The following ENOX1 variants were observed in gnomAD, a reference collection of about 807,000 sequenced individuals.
ENOX1 encodes the protein ecto-NOX disulfide-thiol exchanger 1.
Under a neutral mutation model 82.5 loss-of-function variants are expected in ENOX1, and 42 were observed. That is an observed-to-expected ratio of 0.51 (90% CI 0.40 to 0.66). The LOEUF is 0.66. ENOX1 is among the 30% of genes least tolerant of loss of function. The pLI is 0.00. For synonymous variants in ENOX1, 271 were observed against 282.2 expected, an observed-to-expected ratio of 0.96 and a Z score of 0.40; for missense variants, 608 against 811.6, an observed-to-expected ratio of 0.75 and a Z score of 3.05.
chr13:43,654,435 T>G (rs772883109), intron 2 of ENOX1, among the ~76,000 whole-genome samples: 7 of 152,222 alleles, frequency 4.6e-5, no homozygotes, highest in Non-Finnish European at 8.8e-5. Flanking sequence ...CATATTTATG[T>G]ATCTAATGTA....
chr13:43,648,666 C>T (rs192478930), intron 2 of ENOX1, among the ~76,000 whole-genome samples: 28 of 152,328 alleles, frequency 1.8e-4, no homozygotes, highest in Non-Finnish European at 2.5e-4. Flanking sequence ...GATATGACTT[C>T]TCACTCCAAG....
intron 5 of ENOX1, among the ~76,000 whole-genome samples, chr13:43,402,865 C>T (rs1004191496): frequency 6.6e-6 from 1 of 152,062 alleles, no homozygotes; most frequent in Non-Finnish European, 1.5e-5. Context: ...CTACTCTCTG[C>T]TGAATTAGAA....
intron 3 of ENOX1, among the ~76,000 whole-genome samples, chr13:43,477,041 T>G (rs2058312425): frequency 1.2e-5 from 1 of 80,742 alleles, no homozygotes; most frequent in South Asian, 6.7e-4. Flanking sequence ...AAGAGAGAGA[T>G]TCTAAAAAAA....
chr13:43,682,985 A>G (rs1405295021), intron 1 of ENOX1, among the ~76,000 whole-genome samples: 1 of 152,208 alleles, frequency 6.6e-6, no homozygotes, highest in Non-Finnish European at 1.5e-5. Context: ...TTTTAATATA[A>G]CAGAACAAAA....
intron 16 of ENOX1, among the ~76,000 whole-genome samples, chr13:43,216,289 G>A (rs1215617764): frequency 6.6e-6 from 1 of 152,178 alleles, no homozygotes; most frequent in Non-Finnish European, 1.5e-5. Context: ...CTTAACATTT[G>A]TAATTCTCAG....
At chr13:43,683,954 T>G (rs1404049819) in intron 1 of ENOX1, among the ~76,000 whole-genome samples, 1 of 152,094 alleles carries the variant, frequency 6.6e-6, no homozygotes, top group Non-Finnish European at 1.5e-5. Flanking sequence ...CTAATGAAGA[T>G]GTACATGTCT....
At chr13:43,458,817 G>C (rs531260163) in intron 3 of ENOX1, 2 of 152,068 alleles carry the variant, frequency 1.3e-5, no homozygotes, top group Non-Finnish European at 2.9e-5. Flanking sequence ...CCCCATTCTT[G>C]AAGCTTTGAA....
chr13:43,326,201 C>T (rs1396575898), intron 10 of ENOX1, among the ~76,000 whole-genome samples: 1 of 152,040 alleles, frequency 6.6e-6, no homozygotes, highest in Non-Finnish European at 1.5e-5. Context: ...GTATTTTCTC[C>T]CATTGCAGGG....
chr13:43,412,722 A>C (rs904236916), intron 4 of ENOX1, 123 bp downstream of exon 4: 10 of 1,078,482 alleles, frequency 9.3e-6, no homozygotes, highest in African/African-American at 1.6e-5. Flanking sequence ...CTAGTTCTAC[A>C]GACTGATTTC....
At chr13:43,318,797 A>G (rs143087654) in intron 11 of ENOX1, among the ~76,000 whole-genome samples, 63 of 152,382 alleles carry the variant, frequency 4.1e-4, no homozygotes, top group African/African-American at 1.3e-3. Context: ...CTAGATGCTC[A>G]ACACTGTAAG....
chr13:43,634,277 T>G (rs1270754287), intron 2 of ENOX1, among the ~76,000 whole-genome samples: 3 of 152,160 alleles, frequency 2.0e-5, no homozygotes, highest in Non-Finnish European at 2.9e-5. Context: ...TGTTGCATAT[T>G]TATTTACTCC....
intron 5 of ENOX1, among the ~76,000 whole-genome samples, chr13:43,361,939 G>T (rs984747080): frequency 6.8e-6 from 1 of 148,064 alleles, no homozygotes; most frequent in African/African-American, 2.5e-5. Context: ...ACTTTATAAT[G>T]ATGTATTCAG....
intron 11 of ENOX1, among the ~76,000 whole-genome samples, chr13:43,306,747 T>G (rs1416785186): frequency 6.6e-6 from 1 of 152,248 alleles, no homozygotes; most frequent in East Asian, 1.9e-4. Flanking sequence ...TTTTAACAAG[T>G]GGTCATTTCT....
rs538612182 is a variant in ENOX1 at position 43,323,805 on chromosome 13, T to A, written c.1144-1304A>T. Among the ~76,000 whole-genome samples, 69 of 152,380 alleles carry A rather than the reference T, an allele frequency of 4.5e-4. 2 individuals carry two copies. In the South Asian group the frequency reaches 0.014, roughly 31 times the overall value. ...ATGACTTGTGCCCATTTGATGGACA[T>A]GCATATATCACTCCATGTTATGGGT... On this transcript the variant is annotated intron_variant, in intron 10 of 16. Transcript: ENST00000690772.
In ENOX1 at chr13:43,375,460, C is replaced by T. The variant is rs535808334; in HGVS notation, c.209-14008G>A. ...TTGCTCATTCAACATGTATTAATTA[C>T]GTACAAGTTTGCTAGGCAAGACGCT... On this transcript the variant is annotated intron_variant, in intron 5 of 16. Coordinates refer to ENST00000690772, the MANE Select transcript of ENOX1 (RefSeq NM_001347969.2). Among the ~76,000 whole-genome samples, 186 of 152,290 alleles carry T rather than the reference C, an allele frequency of 1.2e-3. 2 individuals carry two copies. In the South Asian group the frequency reaches 0.013, roughly 11 times the overall value.
intron 3 of ENOX1, among the ~76,000 whole-genome samples, chr13:43,466,870 T>C (rs1459471274): frequency 6.6e-6 from 1 of 152,216 alleles, no homozygotes; most frequent in African/African-American, 2.4e-5. Context: ...TTCTGGACTT[T>C]TCATATAAAT....
chr13:43,738,821 A>G (rs1201761569), intron 1 of ENOX1, among the ~76,000 whole-genome samples: 1 of 152,164 alleles, frequency 6.6e-6, no homozygotes, highest in Non-Finnish European at 1.5e-5. Flanking sequence ...TCCCAATTAA[A>G]ACTGCAAAGC....
At chr13:43,695,442 ATTTTTT>A (rs146985894) in intron 1 of ENOX1, among the ~76,000 whole-genome samples, 7 of 94,660 alleles carry the variant, frequency 7.4e-5, no homozygotes, top group Non-Finnish European at 8.6e-5. Context: ...AAAAAATCTA[ATTTTTT>A]TTTTTTTTTT....
chr13:43,476,376 T>TAA (rs1024807454), intron 3 of ENOX1, among the ~76,000 whole-genome samples: 2 of 151,686 alleles, frequency 1.3e-5, no homozygotes, highest in Non-Finnish European at 2.9e-5. Context: ...TACTAAACTT[T>TAA]AAAAAAAAGT....
Sources: allele counts gnomAD v4.1 joint callset (sites outside exome capture counted in the v4.1 genomes callset), GRCh38; gene constraint gnomAD v4.1.1; transcripts MANE v1.5; gene names NCBI Gene and HGNC (gene_info 2026-07-23, HGNC 2026-07-21).